The following ABCD2 variants were observed in gnomAD, a reference collection of about 807,000 sequenced individuals.
ABCD2 encodes ATP binding cassette subfamily D member 2, also known as ATP-binding cassette sub-family D member 2.
A neutral mutation model predicts 70.9 loss-of-function variants in ABCD2; 36 were observed. The ratio of observed to expected loss-of-function variants is 0.51; its 90% confidence interval spans 0.39 to 0.67. The LOEUF is 0.67. Ranked by LOEUF, ABCD2 falls within the 30% of genes least tolerant of loss-of-function variation. The pLI, the probability that ABCD2 is intolerant of heterozygous loss-of-function variation, is 0.00. For missense variants in ABCD2, 729 were observed against 890.2 expected (o/e 0.82, Z 2.30); for synonymous variants, 304 against 306.9 (o/e 0.99, Z 0.10).
chr12:39,591,067 A>T (rs186848222), intron 6 of ABCD2, among the ~76,000 whole-genome samples: 115 of 152,318 alleles, frequency 7.5e-4, no homozygotes, highest in African/African-American at 2.7e-3. Context: ...ACTGTATTTA[A>T]GGCATGAGAT....
intron 5 of ABCD2, among the ~76,000 whole-genome samples, chr12:39,602,684 CTGAG>C (rs58290048): frequency 0.023 from 3,477 of 152,166 alleles, 44 homozygotes; most frequent in South Asian, 0.041. Context: ...TTTCACTAGA[CTGAG>C]TATTTTTAGT....
At chr12:39,567,589 G>T (rs1362337494) in intron 9 of ABCD2, among the ~76,000 whole-genome samples, 23 of 152,186 alleles carry the variant, frequency 1.5e-4, no homozygotes, top group Middle Eastern at 3.4e-3. Flanking sequence ...TATCCAATTT[G>T]CCAATTTGTG....
intron 2 of ABCD2, among the ~76,000 whole-genome samples, chr12:39,609,551 T>A (rs1942017215): frequency 6.7e-6 from 1 of 150,100 alleles, no homozygotes; most frequent in African/African-American, 2.5e-5. Flanking sequence ...TTCTCCAGGT[T>A]GTTACTTTAA....
intron 2 of ABCD2, among the ~76,000 whole-genome samples, chr12:39,613,042 A>G (rs1409703204): frequency 2.0e-5 from 3 of 152,180 alleles, no homozygotes; most frequent in African/African-American, 4.8e-5. Flanking sequence ...CTCCTTGCCC[A>G]GAACAGCTTT....
intron 8 of ABCD2, 66 bp downstream of exon 8, chr12:39,579,469 G>A: frequency 1.8e-6 from 2 of 1,126,894 alleles, no homozygotes. Context: ...AACTTTTGTT[G>A]TTCCTATTGT....
At chr12:39,612,167 A>G (rs879769053) in intron 2 of ABCD2, among the ~76,000 whole-genome samples, 3 of 152,212 alleles carry the variant, frequency 2.0e-5, no homozygotes, top group Non-Finnish European at 2.9e-5. Flanking sequence ...AAACTGTTTT[A>G]CAAAATCTGC....
At chr12:39,579,660 G>C (rs186212414) in intron 7 of ABCD2, 41 bp from the exon 8 acceptor site, 1 of 1,462,320 alleles carries the variant, frequency 6.8e-7, no homozygotes, top group Admixed American at 1.7e-5. Flanking sequence ...TAAATCATTT[G>C]TTTAATTGTT....
the ABCD2 span, among the ~76,000 whole-genome samples, chr12:39,532,900 C>A: frequency 6.6e-6 from 1 of 152,104 alleles, no homozygotes; most frequent in African/African-American, 2.4e-5. Context: ...TGGCTCACGC[C>A]TGTAATCCCA....
chr12:39,575,524 T>C (rs1027705988), intron 8 of ABCD2, among the ~76,000 whole-genome samples: 4 of 152,180 alleles, frequency 2.6e-5, no homozygotes, highest in Non-Finnish European at 5.9e-5. Context: ...TCTATCCCCT[T>C]AAGACAGGAG....
chr12:39,607,366 A>G (rs540673712), intron 3 of ABCD2, among the ~76,000 whole-genome samples: 1 of 152,330 alleles, frequency 6.6e-6, no homozygotes, highest in South Asian at 2.1e-4. Context: ...TGTGAAAACA[A>G]AGATATCATA....
chr12:39,607,572 T>C, intron 3 of ABCD2, 27 bp downstream of exon 3: 1 of 1,495,908 alleles, frequency 6.7e-7, no homozygotes, highest in South Asian at 1.2e-5. Flanking sequence ...TTATTTTAAT[T>C]GAATTGACAA....
At chr12:39,534,695 G>A in the ABCD2 span, among the ~76,000 whole-genome samples, 1 of 81,482 alleles carries the variant, frequency 1.2e-5, no homozygotes, top group Non-Finnish European at 2.6e-5. Flanking sequence ...AGGAAGGAAG[G>A]AAGGACGGAA....
chr12:39,619,594 C>T lies in ABCD2; in HGVS notation c.22G>A (p.Ala8Thr). Residue 8 changes from alanine to threonine, a missense_variant, in exon 1 of 10, where the codon GCA becomes ACA. Ala to Thr is a moderately conservative substitution (Grantham distance 58). This residue lies in a region of ABCD2 where 245 missense variants were observed against 261.2 expected (regional missense o/e 0.94). Transcript: ENST00000308666. ...CTGGTCCATTTCACTCGATCAGCTG[C>T]TGCATTTAGCATATGTGTCATTTTC... MTHMLNA[A>T]ADRVKWTRSS... is the part of the protein sequence containing the mutation. 1 of 1,609,516 alleles carries T rather than the reference C, an allele frequency of 6.2e-7. No homozygotes were observed. Among genetic ancestry groups the T allele is most frequent in the Non-Finnish European group, 8.5e-7 (1 of 1,179,748 alleles).
intron 9 of ABCD2, among the ~76,000 whole-genome samples, chr12:39,562,591 G>A (rs894695526): frequency 1.3e-5 from 2 of 151,880 alleles, no homozygotes; most frequent in South Asian, 2.1e-4. Flanking sequence ...TAGAAGAAAC[G>A]AATAAATTTT....
chr12:39,614,350 T>C (rs1322955955), intron 2 of ABCD2, among the ~76,000 whole-genome samples: 3 of 152,166 alleles, frequency 2.0e-5, no homozygotes, highest in Non-Finnish European at 4.4e-5. Context: ...TTTTGAAAGA[T>C]GTGTATAATT....
At chr12:39,544,780 A>G in the ABCD2 span, among the ~76,000 whole-genome samples, 1 of 152,172 alleles carries the variant, frequency 6.6e-6, no homozygotes, top group Non-Finnish European at 1.5e-5. Context: ...AGAAGAGTGG[A>G]ACTGCTTTGC....
At chr12:39,592,719 C>G (rs1236534404) in intron 6 of ABCD2, among the ~76,000 whole-genome samples, 2 of 152,172 alleles carry the variant, frequency 1.3e-5, no homozygotes, top group Non-Finnish European at 2.9e-5. Flanking sequence ...CTCCTTTATT[C>G]CAGTGGCTTT....
intron 6 of ABCD2, among the ~76,000 whole-genome samples, chr12:39,592,771 CCT>C (rs954883329): frequency 2.6e-5 from 4 of 152,180 alleles, no homozygotes; most frequent in African/African-American, 7.2e-5. Context: ...TGCTAGTCTG[CCT>C]CTTTCTTAAA....
At chr12:39,581,498 A>G (rs1941595149) in intron 7 of ABCD2, among the ~76,000 whole-genome samples, 3 of 152,204 alleles carry the variant, frequency 2.0e-5, no homozygotes, top group African/African-American at 7.2e-5. Context: ...TAGGAAAAAT[A>G]ATCTTAAAAT....
Sources: allele counts gnomAD v4.1 joint callset (sites outside exome capture counted in the v4.1 genomes callset), GRCh38; gene constraint gnomAD v4.1.1; regional missense constraint gnomAD v4.1.1; transcripts MANE v1.5; gene names NCBI Gene and HGNC (gene_info 2026-07-23, HGNC 2026-07-21).